The following CEP120 variants were observed in gnomAD, a reference collection of about 807,000 sequenced individuals.
CEP120 encodes the protein centrosomal protein of 120 kDa.
A neutral mutation model predicts 126.5 loss-of-function variants in CEP120; 113 were observed. That is an observed-to-expected ratio of 0.89 (90% confidence interval 0.77 to 1.04). The LOEUF (loss-of-function observed/expected upper bound fraction) is 1.04, where lower values mean the gene tolerates loss of function less well. CEP120 is among the 50% of genes least tolerant of loss of function. CEP120 has a pLI of 0.00. For missense variants in CEP120, 1,230 were observed against 1,155.7 expected, an observed-to-expected ratio of 1.06 and a Z score of -0.93; for synonymous variants, 400 against 394.3, an observed-to-expected ratio of 1.01 and a Z score of -0.17.
In CEP120 at chr5:123,418,520, A is replaced by G; in HGVS notation, c.50-5T>C. 1 of 1,593,212 alleles carries G rather than the reference A, an allele frequency of 6.3e-7. No individual in the cohort carries two copies. The highest frequency in any genetic ancestry group is 8.6e-7 in the Non-Finnish European group (1 of 1,166,834). ...GACGTTTGGGGAAATGCCGACCTGGAGAAACAGAATATATAGATTAATCAA... is the reference window on the plus strand; with the variant it reads ...GACGTTTGGGGAAATGCCGACCTGGGGAAACAGAATATATAGATTAATCAA... On this transcript the variant is annotated splice_region_variant and splice_polypyrimidine_tract_variant and intron_variant, in intron 1 of 19. Transcript: ENST00000306467.
chr5:123,354,364 T>G (rs912375179), intron 18 of CEP120, among the ~76,000 whole-genome samples: 1 of 152,164 alleles, frequency 6.6e-6, no homozygotes, highest in African/African-American at 2.4e-5. Flanking sequence ...TAGAAAATAG[T>G]GTACATTCTG....
intron 17 of CEP120, among the ~76,000 whole-genome samples, chr5:123,371,202 G>A (rs1770829022): frequency 6.6e-6 from 1 of 151,972 alleles, no homozygotes; most frequent in African/African-American, 2.4e-5. Flanking sequence ...ATATTAGTCT[G>A]TTTTCACGCT....
chr5:123,387,572 T>C (rs1772112230), intron 9 of CEP120, among the ~76,000 whole-genome samples: 1 of 152,232 alleles, frequency 6.6e-6, no homozygotes, highest in East Asian at 1.9e-4. Flanking sequence ...CAGAAAAAGT[T>C]AAGTGGCCAG....
chr5:123,353,115 C>A (rs1416172989), intron 18 of CEP120, among the ~76,000 whole-genome samples: 1 of 151,726 alleles, frequency 6.6e-6, no homozygotes, highest in Non-Finnish European at 1.5e-5. Flanking sequence ...TTTTTCTTGC[C>A]CTATTACACT....
chr5:123,418,511 C>A lies in CEP120; in HGVS notation c.54G>T (p.Arg18=). The A allele has an allele frequency of 2.5e-6, 4 of 1,596,068 alleles. No homozygotes were observed. The highest frequency in any genetic ancestry group is 1.7e-4 in the Middle Eastern group (1 of 5,990). Residue 18 remains arginine (R), a synonymous_variant, in exon 2 of 20, where the codon CGG becomes CGT. Transcript: ENST00000306467. ...TATGCTTTGGACGTTTGGGGAAATG[C>A]CGACCTGGAGAAACAGAATATATAG... is the stretch of plus-strand genomic sequence containing the variant. The part of the protein sequence containing the change: ...LLIVVSILEG[R]HFPKRPKHML...
At position 123,423,284 on chromosome 5, in the gene CEP120, T is replaced by C. The variant is rs958648654; in HGVS notation, c.-286A>G. On this transcript the variant is annotated 5_prime_UTR_variant, in exon 1 of 20. Coordinates refer to ENST00000306467, the MANE Select transcript of CEP120 (RefSeq NM_001375405.1). ...GACAAGCCCGCCACCCGAGGACCTT[T>C]TGCCGCCTGCGTAGCCGCTTTTCAA... 1.6e-5 allele frequency: 7 copies of C among 449,712 alleles called. No homozygotes were observed. The highest frequency in any genetic ancestry group is 6.2e-5 in the African/African-American group (3 of 48,128). 27.9% of individuals were successfully genotyped at this position (449,712 alleles called of 1,614,324 possible).
intron 18 of CEP120, among the ~76,000 whole-genome samples, chr5:123,351,732 T>C (rs1769211513): frequency 2.0e-5 from 3 of 151,588 alleles, no homozygotes; most frequent in Admixed American, 1.3e-4. Flanking sequence ...AGCCTGAAAG[T>C]AATTTTACAT....
intron 17 of CEP120, among the ~76,000 whole-genome samples, chr5:123,372,047 C>T (rs1205261978): frequency 6.6e-6 from 1 of 152,040 alleles, no homozygotes; most frequent in Non-Finnish European, 1.5e-5. Context: ...GGAGGAATCT[C>T]AATTTAAATG....
In CEP120 at chr5:123,352,623, G is replaced by A. The variant is rs148581833; in HGVS notation, c.2581-2534C>T. 1.1e-4 allele frequency among the ~76,000 whole-genome samples: 16 copies of A among 152,040 alleles called. No homozygotes were observed. The East Asian group carries it at 1.7e-3, about 17-fold the overall frequency. The stretch of plus-strand genomic sequence containing the variant: ...TGTAACAATGTCTCAATATACGACA[G>A]TTCTTCTACATTTGCTTATTCTTCA... On this transcript the variant is annotated intron_variant, in intron 18 of 19. Coordinates refer to ENST00000306467, the MANE Select transcript of CEP120 (RefSeq NM_001375405.1).
chr5:123,400,264 C>A (rs545921814), intron 4 of CEP120, among the ~76,000 whole-genome samples: 1 of 152,224 alleles, frequency 6.6e-6, no homozygotes, highest in African/African-American at 2.4e-5. Context: ...GCACAGGGAA[C>A]CCATATCCAT....
chr5:123,346,765 A>G lies in CEP120; in HGVS notation c.2727-12T>C. The G allele has an allele frequency of 6.4e-7, 1 of 1,563,210 alleles. No homozygotes were observed. Among genetic ancestry groups the G allele is most frequent in the Non-Finnish European group, 8.7e-7 (1 of 1,155,634 alleles). On this transcript the variant is annotated splice_polypyrimidine_tract_variant and intron_variant, in intron 19 of 19. Transcript: ENST00000306467. The stretch of plus-strand genomic sequence containing the variant: ...CTTGTTGCCTTAACCTGAGAAGTCA[A>G]GAACAAATGCCACTGTAGCAACTGT...
chr5:123,412,648 A>G, intron 3 of CEP120, 108 bp from the exon 4 acceptor site: 1 of 742,670 alleles, frequency 1.3e-6, no homozygotes, highest in East Asian at 3.3e-5. Context: ...TCAGTACTTT[A>G]TAAACAATTT....
chr5:123,350,753 C>CA (rs1276514861), intron 18 of CEP120, among the ~76,000 whole-genome samples: 10 of 152,126 alleles, frequency 6.6e-5, no homozygotes, highest in Admixed American at 1.3e-4. Context: ...TATTCTTAAA[C>CA]AAAAATGAAA....
Position 123,377,354 on chromosome 5 carries a change from T to A in CEP120, c.2358+20A>T. 1 of 1,596,668 alleles carries A rather than the reference T, an allele frequency of 6.3e-7. No individual in the cohort carries two copies. The highest frequency in any genetic ancestry group is 8.5e-7 in the Non-Finnish European group (1 of 1,175,148). On this transcript the variant is annotated intron_variant, in intron 16 of 19. Coordinates refer to ENST00000306467, the MANE Select transcript of CEP120 (RefSeq NM_001375405.1). ...TGCAAATAAACTAAGCATAAAAAGA[T>A]GACAAGTACGTTATCCAACCTGTTG...
At chr5:123,413,153 TC>T (rs1470668041) in intron 3 of CEP120, among the ~76,000 whole-genome samples, 1 of 151,942 alleles carries the variant, frequency 6.6e-6, no homozygotes, top group East Asian at 1.9e-4. Flanking sequence ...ACGCCTGTAA[TC>T]CCAGCTACCT....
intron 8 of CEP120, 25 bp from the exon 9 acceptor site, chr5:123,388,631 A>G: frequency 6.7e-7 from 1 of 1,499,824 alleles, no homozygotes; most frequent in Non-Finnish European, 8.9e-7. Context: ...AAATAAAACA[A>G]AATAATCACA....
intron 4 of CEP120, chr5:123,401,046 G>A: frequency 1.3e-6 from 2 of 1,561,490 alleles, no homozygotes; most frequent in Non-Finnish European, 8.7e-7. Context: ...GCTGAGGCCG[G>A]GGCTTGTGAG....
intron 1 of CEP120, chr5:123,422,605 C>T: frequency 6.9e-7 from 1 of 1,448,224 alleles, no homozygotes; most frequent in Non-Finnish European, 9.4e-7. Context: ...CTTACAAGTG[C>T]TATTATTGGG....
At chr5:123,368,714 C>T (rs1400414299) in intron 17 of CEP120, among the ~76,000 whole-genome samples, 4 of 151,834 alleles carry the variant, frequency 2.6e-5, no homozygotes, top group Admixed American at 2.0e-4. Context: ...AGGAGATGGA[C>T]ACTATTTCCA....
Sources: allele counts gnomAD v4.1 joint callset (sites outside exome capture counted in the v4.1 genomes callset), GRCh38; gene constraint gnomAD v4.1.1; transcripts MANE v1.5; gene names NCBI Gene and HGNC (gene_info 2026-07-23, HGNC 2026-07-21).